The following IL1RAPL2 variants were observed in gnomAD, a reference collection of about 807,000 sequenced individuals.
IL1RAPL2 encodes interleukin 1 receptor accessory protein like 2.
Under a neutral mutation model 44.1 loss-of-function variants are expected in IL1RAPL2, and 3 were observed. That is an observed-to-expected ratio of 0.07 (90% CI 0.03 to 0.18). The LOEUF is 0.18. IL1RAPL2 is among the 10% of genes least tolerant of loss of function. The pLI is 1.00. For synonymous variants in IL1RAPL2, 181 were observed against 178.8 expected (o/e 1.01, Z -0.10); for missense variants, 391 against 496.4 (o/e 0.79, Z 2.02).
chrX:104,580,978 C>T (rs1185654805), intron 1 of IL1RAPL2, among the ~76,000 whole-genome samples: 1 of 111,965 alleles, frequency 8.9e-6, no homozygotes, highest in Non-Finnish European at 1.9e-5. Context: ...CCATGCTCTG[C>T]TTATCTCAAA....
chrX:105,303,684 A>C (rs188225801), intron 5 of IL1RAPL2, among the ~76,000 whole-genome samples: 56 of 112,384 alleles, frequency 5.0e-4, no homozygotes, highest in African/African-American at 1.6e-3. Context: ...AACAAACACA[A>C]GGCCTCACAA....
rs137974914 is a variant in IL1RAPL2, at chrX:105,438,936, T to C, written c.698-45377T>C. On this transcript the variant is annotated intron_variant, in intron 5 of 10. Transcript: ENST00000372582. ...CAGGGAGGGACCTGGTGGAAGGTTA[T>C]TCGATCATGGGGGCGGTTTCCCCCA... 5.4e-3 allele frequency among the ~76,000 whole-genome samples: 599 copies of C among 110,708 alleles called. 5 individuals carry two copies. Among genetic ancestry groups the C allele is most frequent in the African/African-American group, 0.018 (560 of 30,423 alleles).
chrX:104,574,184 C>G (rs1928201323), intron 1 of IL1RAPL2, among the ~76,000 whole-genome samples: 1 of 110,502 alleles, frequency 9.0e-6, no homozygotes, highest in Non-Finnish European at 1.9e-5. Flanking sequence ...TAAAAAATAC[C>G]ATAATCAAGG....
At chrX:105,042,063 T>C (rs1025896827) in intron 2 of IL1RAPL2, among the ~76,000 whole-genome samples, 21 of 111,422 alleles carry the variant, frequency 1.9e-4, no homozygotes, top group Admixed American at 3.8e-4. Flanking sequence ...TTACACCTTA[T>C]ATAAAAATCA....
intron 6 of IL1RAPL2, among the ~76,000 whole-genome samples, chrX:105,644,811 C>G (rs1280090061): frequency 9.1e-6 from 1 of 110,349 alleles, no homozygotes; most frequent in Non-Finnish European, 1.9e-5. Flanking sequence ...CTCCCTATGT[C>G]CATGTGTTCT....
intron 2 of IL1RAPL2, among the ~76,000 whole-genome samples, chrX:104,945,856 T>C (rs1418964762): frequency 9.0e-6 from 1 of 111,173 alleles, no homozygotes; most frequent in Non-Finnish European, 1.9e-5. Flanking sequence ...CCAAACTATA[T>C]AGACCTTTTT....
intron 2 of IL1RAPL2, among the ~76,000 whole-genome samples, chrX:105,087,271 G>T (rs2032491020): frequency 9.0e-6 from 1 of 110,880 alleles, no homozygotes; most frequent in African/African-American, 3.3e-5. Flanking sequence ...CTATAATATG[G>T]GACTCACAAT....
chrX:104,761,255 C>A (rs1002307641), intron 2 of IL1RAPL2, among the ~76,000 whole-genome samples: 3 of 111,282 alleles, frequency 2.7e-5, no homozygotes, highest in African/African-American at 9.8e-5. Flanking sequence ...GGGAAGCAAA[C>A]ATATCCTTCT....
intron 2 of IL1RAPL2, among the ~76,000 whole-genome samples, chrX:104,676,084 A>AT (rs1403243427): frequency 9.2e-6 from 1 of 108,702 alleles, no homozygotes; most frequent in Non-Finnish European, 1.9e-5. Context: ...TAATTGGAGC[A>AT]TTTAGTCCAT....
chrX:105,006,390 GT>G (rs1191707445), intron 2 of IL1RAPL2, among the ~76,000 whole-genome samples: 1 of 110,166 alleles, frequency 9.1e-6, no homozygotes, highest in African/African-American at 3.3e-5. Flanking sequence ...AGAAAACAAT[GT>G]AAATATTAGT....
intron 6 of IL1RAPL2, among the ~76,000 whole-genome samples, chrX:105,670,145 A>ATATATATATATATATC (rs2037809440): frequency 2.5e-5 from 1 of 40,252 alleles, no homozygotes; most frequent in Non-Finnish European, 5.4e-5. Flanking sequence ...ATATATATAT[A>ATATATATATATATATC]TATCTCCACC....
intron 2 of IL1RAPL2, among the ~76,000 whole-genome samples, chrX:104,796,191 A>C (rs138495906): frequency 8.9e-6 from 1 of 112,526 alleles, no homozygotes; most frequent in Non-Finnish European, 1.9e-5. Flanking sequence ...GTGTAACTAC[A>C]TCTGCCCTAG....
intron 2 of IL1RAPL2, among the ~76,000 whole-genome samples, chrX:104,669,386 G>T (rs111336965): frequency 9.1e-6 from 1 of 109,809 alleles, no homozygotes; most frequent in Non-Finnish European, 1.9e-5. Context: ...ATTTTTTCCC[G>T]GTCTCCATCA....
chrX:105,687,106 C>T (rs1382754280), intron 6 of IL1RAPL2, among the ~76,000 whole-genome samples: 1 of 111,287 alleles, frequency 9.0e-6, no homozygotes, highest in Non-Finnish European at 1.9e-5. Flanking sequence ...CACTAAATGC[C>T]CACAAGAGAA....
intron 5 of IL1RAPL2, among the ~76,000 whole-genome samples, chrX:105,281,780 C>A: frequency 9.0e-6 from 1 of 111,308 alleles, no homozygotes; most frequent in East Asian, 2.8e-4. Context: ...ATGAAATCAC[C>A]TAATGACACA....
At chrX:105,079,810 CCCA>C (rs766674738) in intron 2 of IL1RAPL2, among the ~76,000 whole-genome samples, 115 of 111,291 alleles carry the variant, frequency 1.0e-3, no homozygotes, top group Middle Eastern at 4.6e-3. Flanking sequence ...AATTTACACT[CCCA>C]CCAACAGTAT....
At chrX:105,022,854 C>G in intron 2 of IL1RAPL2, among the ~76,000 whole-genome samples, 1 of 109,859 alleles carries the variant, frequency 9.1e-6, no homozygotes, top group East Asian at 2.8e-4. Context: ...CAGAAAGGGT[C>G]CAAAACCTGT....
At chrX:105,607,663 A>AG (rs2037304750) in intron 6 of IL1RAPL2, among the ~76,000 whole-genome samples, 1 of 103,681 alleles carries the variant, frequency 9.6e-6, no homozygotes, top group South Asian at 4.3e-4. Flanking sequence ...AAAAAAAAAA[A>AG]GGAAATAAGG....
At chrX:104,709,125 T>C (rs762200248) in intron 2 of IL1RAPL2, among the ~76,000 whole-genome samples, 51 of 110,671 alleles carry the variant, frequency 4.6e-4, no homozygotes, top group Non-Finnish European at 8.7e-4. Flanking sequence ...ACAGGTACAC[T>C]TTGGCTCTTT....
Sources: allele counts gnomAD v4.1 joint callset (sites outside exome capture counted in the v4.1 genomes callset), GRCh38; gene constraint gnomAD v4.1.1; transcripts MANE v1.5; gene names NCBI Gene and HGNC (gene_info 2026-07-23, HGNC 2026-07-21).